The following VAPB variants were observed in gnomAD, a reference collection of about 807,000 sequenced individuals.
VAPB encodes the protein vesicle-associated membrane protein-associated protein B/C.
VAPB carries 7 observed loss-of-function variants against 25.6 expected under a neutral mutation model. The ratio of observed to expected loss-of-function variants is 0.27; its 90% CI spans 0.16 to 0.51. The LOEUF (loss-of-function observed/expected upper bound fraction) is 0.51. Ranked by LOEUF, VAPB falls within the 20% of genes least tolerant of loss-of-function variation. The probability of loss-of-function intolerance (pLI) is 0.97; values close to 1 mark genes in which losing one functional copy is unlikely to be tolerated. For missense variants in VAPB, 266 were observed against 301.3 expected (o/e 0.88, Z 0.87); for synonymous variants, 112 against 109.2 (o/e 1.03, Z -0.16).
chr20:58,445,211 C>CT lies in VAPB; in HGVS notation c.*982dup. On this transcript the variant is annotated 3_prime_UTR_variant, in exon 6 of 6. Coordinates refer to ENST00000475243, the MANE Select transcript of VAPB (RefSeq NM_004738.5). ...GTAGTGACAGTCAACTCTAGGTTAC[C>CT]TTTTTTAATGAAGAGTAGTCAGTCT... 2.2e-6 allele frequency: 1 copy of CT among 454,042 alleles called. No homozygotes were observed. Among genetic ancestry groups the CT allele is most frequent in the Non-Finnish European group, 4.4e-6 (1 of 226,772 alleles). The allele number at this position is 454,042 out of a possible 1,614,324, so 28.1% of individuals were successfully genotyped here.
intron 1 of VAPB, among the ~76,000 whole-genome samples, chr20:58,393,273 C>T (rs1235710188): frequency 6.6e-6 from 1 of 152,160 alleles, no homozygotes; most frequent in Admixed American, 6.5e-5. Flanking sequence ...TCAAGCAGTC[C>T]TCCCGCCTCA....
At chr20:58,437,093 C>A (rs1190348591) in intron 3 of VAPB, among the ~76,000 whole-genome samples, 1 of 136,786 alleles carries the variant, frequency 7.3e-6, no homozygotes, top group Non-Finnish European at 1.5e-5. Flanking sequence ...CTCAGCTGTT[C>A]GAGTAACTAA....
At position 58,446,274 on chromosome 20, in the gene VAPB, C is replaced by T. The variant is rs1359247290; in HGVS notation, c.*2039C>T. 8.8e-6 allele frequency: 4 copies of T among 453,972 alleles called. No homozygotes were observed. Among genetic ancestry groups the T allele is most frequent in the African/African-American group, 2.0e-5 (1 of 49,990 alleles). The allele number at this position is 453,972 out of a possible 1,614,324, so 28.1% of individuals were successfully genotyped here. A position where few individuals can be genotyped will look rare whatever the true frequency, so the allele number is the denominator to read the frequency against. On this transcript the variant is annotated 3_prime_UTR_variant, in exon 6 of 6. Coordinates refer to ENST00000475243, the MANE Select transcript of VAPB (RefSeq NM_004738.5). ...GCTGTAAGGCATGTGCCTTCTGCCA[C>T]CTGACTTTCCGTGAGGGGACTAAAA...
chr20:58,448,844 T>G lies in VAPB; in HGVS notation c.*4609T>G. On this transcript the variant is annotated 3_prime_UTR_variant, in exon 6 of 6. Coordinates refer to ENST00000475243, the MANE Select transcript of VAPB (RefSeq NM_004738.5). Reference sequence around the variant, plus strand: ...GATCTCTGCTGATGCTCCTGGAGAATGACTTTGGGGGCTTTAGAAAGAATA... The same window carrying G: ...GATCTCTGCTGATGCTCCTGGAGAAGGACTTTGGGGGCTTTAGAAAGAATA... 1 of 454,130 alleles carries G rather than the reference T, an allele frequency of 2.2e-6. No individual in the cohort carries two copies. The highest frequency in any genetic ancestry group is 4.4e-6 in the Non-Finnish European group (1 of 226,802). 28.1% of individuals were successfully genotyped at this position (454,130 alleles called of 1,614,324 possible).
chr20:58,394,767 T>C (rs1987905612), intron 1 of VAPB, among the ~76,000 whole-genome samples: 1 of 152,258 alleles, frequency 6.6e-6, no homozygotes, highest in African/African-American at 2.4e-5. Flanking sequence ...TTCTTGACCA[T>C]GTGCTTATGT....
intron 3 of VAPB, 55 bp from the exon 4 acceptor site, chr20:58,438,890 G>A: frequency 6.9e-7 from 1 of 1,454,410 alleles, no homozygotes; most frequent in Non-Finnish European, 9.6e-7. Context: ...TAGGAAGAAA[G>A]TTATTCTTCC....
chr20:58,400,365 C>A (rs1433792183), intron 1 of VAPB, among the ~76,000 whole-genome samples: 1 of 152,196 alleles, frequency 6.6e-6, no homozygotes, highest in Non-Finnish European at 1.5e-5. Context: ...TTTCCCACAG[C>A]ACCTACTGGT....
rs374551586 is a variant in VAPB, at chr20:58,409,128, T to C, written c.59-9083T>C. Among the ~76,000 whole-genome samples, 3 of 152,294 alleles carry C rather than the reference T, an allele frequency of 2.0e-5. No individual in the cohort carries two copies. The East Asian group carries it at 5.8e-4, about 29-fold the overall frequency. On this transcript the variant is annotated intron_variant, in intron 1 of 5. Transcript: ENST00000475243. ...ATTTGTTCATTCAGCAAATATATTA[T>C]TGAGCATCTGTTCTATGCCTGCAAG...
intron 4 of VAPB, 104 bp from the exon 5 acceptor site, chr20:58,440,803 A>C (rs1446927782): frequency 1.9e-6 from 2 of 1,039,878 alleles, no homozygotes; most frequent in Non-Finnish European, 2.9e-6. Flanking sequence ...GTGTGGATGA[A>C]ATGCTACCAC....
intron 2 of VAPB, 110 bp downstream of exon 2, chr20:58,418,473 TCCACCCCACCCCCACC>T (rs2123059177): frequency 1.5e-5 from 21 of 1,373,854 alleles, no homozygotes; most frequent in East Asian, 2.6e-5. Context: ...TAGAATTCTC[TCCACCCCACCCCCACC>T]CCACCCCACC....
chr20:58,444,312 G>A lies in VAPB; in HGVS notation c.*77G>A. The A allele has an allele frequency of 1.2e-6, 2 of 1,609,280 alleles. No homozygotes were observed. Among genetic ancestry groups the A allele is most frequent in the Non-Finnish European group, 1.7e-6 (2 of 1,176,052 alleles). On this transcript the variant is annotated 3_prime_UTR_variant, in exon 6 of 6. Transcript: ENST00000475243. ...GGATTTAAATTTATCATAACCATGT[G>A]TAAAAAGAAATTAATGTATGATGAC... is the stretch of plus-strand genomic sequence containing the variant.
intron 2 of VAPB, among the ~76,000 whole-genome samples, chr20:58,419,433 T>A (rs1476359): frequency 1.3e-5 from 2 of 152,096 alleles, no homozygotes; most frequent in Non-Finnish European, 2.9e-5. Context: ...CAAGTTATTA[T>A]CTTGAAGTCA....
chr20:58,401,191 G>T, intron 1 of VAPB, among the ~76,000 whole-genome samples: 1 of 152,238 alleles, frequency 6.6e-6, no homozygotes. Flanking sequence ...CTCTTCCAAA[G>T]CAAGATTGTT....
chr20:58,433,110 G>A (rs1438132220), intron 2 of VAPB, among the ~76,000 whole-genome samples: 3 of 152,200 alleles, frequency 2.0e-5, no homozygotes, highest in Non-Finnish European at 4.4e-5. Flanking sequence ...GATGGGGGAG[G>A]TTGGTATTTC....
chr20:58,445,715 TGTGTGTA>T lies in VAPB; in HGVS notation c.*1481_*1487del, dbSNP rs1158035477. 2.3e-6 allele frequency: 1 copy of T among 430,222 alleles called. No individual in the cohort carries two copies. Among genetic ancestry groups the T allele is most frequent in the African/African-American group, 2.3e-5 (1 of 44,128 alleles). 26.7% of individuals were successfully genotyped at this position (430,222 alleles called of 1,614,324 possible). A position where few individuals can be genotyped will look rare whatever the true frequency, so the allele number is the denominator to read the frequency against. ...GTGTGTGTGTGTGTGTGTGTGTGTG[TGTGTGTA>T]TTTTTTTTTTGGTTGTCTTCAGCTG... On this transcript the variant is annotated 3_prime_UTR_variant, in exon 6 of 6. Transcript: ENST00000475243.
intron 2 of VAPB, among the ~76,000 whole-genome samples, chr20:58,430,041 C>T (rs1988892474): frequency 7.0e-6 from 1 of 141,938 alleles, no homozygotes; most frequent in South Asian, 2.2e-4. Flanking sequence ...GACCTCATCT[C>T]TTAAAAAAAA....
At chr20:58,436,480 C>T (rs913277557) in intron 3 of VAPB, among the ~76,000 whole-genome samples, 2 of 151,370 alleles carry the variant, frequency 1.3e-5, no homozygotes, top group African/African-American at 4.9e-5. Flanking sequence ...ACCACAGGAG[C>T]GCACCACCAT....
chr20:58,389,660 T>C, intron 1 of VAPB, 143 bp downstream of exon 1: 1 of 888,540 alleles, frequency 1.1e-6, no homozygotes, highest in Non-Finnish European at 1.5e-6. Context: ...GGGCCGGGCC[T>C]TGGCGCTCGC....
intron 1 of VAPB, among the ~76,000 whole-genome samples, chr20:58,410,667 C>G (rs80077402): frequency 3.3e-5 from 5 of 152,054 alleles, no homozygotes; most frequent in African/African-American, 1.2e-4. Flanking sequence ...TCCGCCCCCC[C>G]GCCCCACTCA....
Sources: gnomAD v4.1 joint callset for allele counts (sites outside exome capture counted in the v4.1 genomes callset) on GRCh38, gnomAD v4.1.1 for gene constraint, MANE v1.5 for transcripts, NCBI Gene and HGNC (gene_info 2026-07-23, HGNC 2026-07-21) for gene names.